The following GNAZ variants were observed in gnomAD, a reference collection of about 807,000 sequenced individuals.
The protein encoded by GNAZ is guanine nucleotide-binding protein G(z) subunit alpha.
GNAZ carries 3 observed loss-of-function variants against 25.4 expected under a neutral mutation model. The ratio of observed to expected loss-of-function variants is 0.12; its 90% CI spans 0.05 to 0.30. GNAZ has a LOEUF of 0.30. GNAZ is among the 10% of genes least tolerant of loss of function. The pLI is 1.00. For missense variants in GNAZ, 241 were observed against 501.8 expected (o/e 0.48, Z 4.97); for synonymous variants, 211 against 205.7 (o/e 1.03, Z -0.22).
chr22:23,107,440 G>T (rs1420745983), intron 2 of GNAZ, among the ~76,000 whole-genome samples: 1 of 152,170 alleles, frequency 6.6e-6, no homozygotes. Flanking sequence ...GGGAAAAGTC[G>T]AGGGCCTCAT....
chr22:23,085,987 T>A (rs2068808306), intron 1 of GNAZ, among the ~76,000 whole-genome samples: 1 of 152,258 alleles, frequency 6.6e-6, no homozygotes, highest in African/African-American at 2.4e-5. Flanking sequence ...CAACAGCCAG[T>A]GGCCTTGCCT....
intron 2 of GNAZ, among the ~76,000 whole-genome samples, chr22:23,116,628 T>C (rs1365609064): frequency 6.6e-6 from 1 of 152,134 alleles, no homozygotes; most frequent in Non-Finnish European, 1.5e-5. Flanking sequence ...TACTCAGCAC[T>C]GTGGATGTCT....
At chr22:23,070,667 C>T (rs1330064509) in intron 1 of GNAZ, 97 bp downstream of exon 1, 1 of 152,122 alleles carries the variant, frequency 6.6e-6, no homozygotes, top group African/African-American at 2.4e-5. Flanking sequence ...GGGACTCTTC[C>T]CAGGCCTTTG....
At chr22:23,108,258 G>C (rs141324494) in intron 2 of GNAZ, among the ~76,000 whole-genome samples, 1 of 152,242 alleles carries the variant, frequency 6.6e-6, no homozygotes, top group African/African-American at 2.4e-5. Context: ...AGGGGAGAGC[G>C]GTCCCCAAGC....
Position 23,109,299 on chromosome 22 carries a change from G to A in GNAZ, c.723+12881G>A, listed in dbSNP as rs1471795403. Among the ~76,000 whole-genome samples, 10 of 152,170 alleles carry A rather than the reference G, an allele frequency of 6.6e-5. No homozygotes were observed. In the East Asian group the frequency reaches 1.4e-3, roughly 21 times the overall value. On this transcript the variant is annotated intron_variant, in intron 2 of 2. Coordinates refer to ENST00000615612, the MANE Select transcript of GNAZ (RefSeq NM_002073.4). ...CCACCAAAGCCACGGAGCCAGCCCT[G>A]CTGGCATCCAGAGGCCAGGGTGGGC... is the stretch of plus-strand genomic sequence containing the variant.
chr22:23,120,400 G>T (rs1039498721), intron 2 of GNAZ, among the ~76,000 whole-genome samples: 1 of 152,078 alleles, frequency 6.6e-6, no homozygotes, highest in Non-Finnish European at 1.5e-5. Context: ...TCCCACTGCT[G>T]CCAGCTGAGC....
rs369889703 is a variant in GNAZ, at chr22:23,074,499, G to A, written c.-450+3929G>A. Among the ~76,000 whole-genome samples, 41 of 152,292 alleles carry A rather than the reference G, an allele frequency of 2.7e-4. 2 individuals carry two copies. In the East Asian group the frequency reaches 5.4e-3, roughly 20 times the overall value. On this transcript the variant is annotated intron_variant, in intron 1 of 2. Transcript: ENST00000615612. Reference sequence around the variant, plus strand: ...AATTAGGAGGTGGGTCTGAGACCTGGAGAGCCATTGATGGGCACATGTGGC... The same window carrying A: ...AATTAGGAGGTGGGTCTGAGACCTGAAGAGCCATTGATGGGCACATGTGGC...
intron 2 of GNAZ, among the ~76,000 whole-genome samples, chr22:23,097,115 A>C (rs909914204): frequency 2.0e-5 from 3 of 152,208 alleles, no homozygotes; most frequent in African/African-American, 7.2e-5. Context: ...CTTGCCCAGC[A>C]GGATTCCCTG....
In GNAZ at chr22:23,124,099, G is replaced by A. The variant is rs73386673; in HGVS notation, c.*668G>A. 2.1e-3 allele frequency: 441 copies of A among 210,096 alleles called. 3 individuals carry two copies. The highest frequency in any genetic ancestry group is 8.8e-3 in the African/African-American group (368 of 42,046). The allele number at this position is 210,096 out of a possible 1,614,324, so 13.0% of individuals were successfully genotyped here. A position where few individuals can be genotyped will look rare whatever the true frequency, so the allele number is the denominator to read the frequency against. On this transcript the variant is annotated 3_prime_UTR_variant, in exon 3 of 3. Coordinates refer to ENST00000615612, the MANE Select transcript of GNAZ (RefSeq NM_002073.4). ...ACCAATACAACAAAACGAGTGGCAC[G>A]ATTTATTTCAAACTAGGCCAGCTGG...
chr22:23,097,205 G>A (rs1294766544), intron 2 of GNAZ, among the ~76,000 whole-genome samples: 6 of 152,294 alleles, frequency 3.9e-5, no homozygotes, highest in Non-Finnish European at 5.9e-5. Context: ...AAGGAGTCAC[G>A]AAGTTGTGGG....
intron 2 of GNAZ, 100 bp from the exon 3 acceptor site, chr22:23,122,987 C>A: frequency 1.3e-6 from 1 of 780,864 alleles, no homozygotes; most frequent in Non-Finnish European, 2.2e-6. Context: ...CAGTCTTGGG[C>A]TGAGACCCTA....
rs1343358041 is a variant in GNAZ, at chr22:23,124,050, A to AG, written c.*619_*620insG. 1.7e-5 allele frequency: 4 copies of AG among 230,440 alleles called. No individual in the cohort carries two copies. The highest frequency in any genetic ancestry group is 3.5e-5 in the Non-Finnish European group (4 of 113,638). The allele number at this position is 230,440 out of a possible 1,614,324, so 14.3% of individuals were successfully genotyped here. ...AGCCACTCACAGCTCTTTTTAAAAA[A>AG]CAGCTTCAAAATATGCAGCAAAAAC... On this transcript the variant is annotated 3_prime_UTR_variant, in exon 3 of 3. Coordinates refer to ENST00000615612, the MANE Select transcript of GNAZ (RefSeq NM_002073.4).
rs187855475 is a variant in GNAZ at position 23,073,194 on chromosome 22, G to A, written c.-450+2624G>A. Reference sequence around the variant, plus strand: ...ATGGCAGGTGCACGGGCACACTGGAGGAGGCAGGTCAGCATGCTGCTCTCC... The same window carrying A: ...ATGGCAGGTGCACGGGCACACTGGAAGAGGCAGGTCAGCATGCTGCTCTCC... On this transcript the variant is annotated intron_variant, in intron 1 of 2. Transcript: ENST00000615612. Among the ~76,000 whole-genome samples the A allele has an allele frequency of 3.2e-4, 48 of 152,336 alleles. No homozygotes were observed. The East Asian group carries it at 8.9e-3, about 28-fold the overall frequency.
In GNAZ at chr22:23,122,759, G is replaced by T. The variant is rs540990400; in HGVS notation, c.724-328G>T. On this transcript the variant is annotated intron_variant, in intron 2 of 2. Coordinates refer to ENST00000615612, the MANE Select transcript of GNAZ (RefSeq NM_002073.4). ...AGATGGGGGGTCCTCGGAGCTGGAG[G>T]TGCCCAGCGGTTTAGGAGGCTGTGC... 1.5e-5 allele frequency: 5 copies of T among 341,898 alleles called. No homozygotes were observed. In the East Asian group the frequency reaches 2.5e-4, roughly 17 times the overall value. The allele number at this position is 341,898 out of a possible 1,614,324, so 21.2% of individuals were successfully genotyped here.
intron 1 of GNAZ, among the ~76,000 whole-genome samples, chr22:23,086,632 C>A (rs1255047668): frequency 6.6e-6 from 1 of 152,248 alleles, no homozygotes; most frequent in Non-Finnish European, 1.5e-5. Context: ...AAAGACCCTC[C>A]CCGGGGCCCA....
chr22:23,119,021 G>A (rs1371648292), intron 2 of GNAZ, among the ~76,000 whole-genome samples: 1 of 152,226 alleles, frequency 6.6e-6, no homozygotes, highest in Non-Finnish European at 1.5e-5. Context: ...ATGAGGCCAG[G>A]CCCTGGAGGC....
intron 1 of GNAZ, among the ~76,000 whole-genome samples, chr22:23,090,986 C>T (rs1248737837): frequency 6.6e-6 from 1 of 152,176 alleles, no homozygotes; most frequent in Admixed American, 6.5e-5. Flanking sequence ...CCCTTCTGCC[C>T]CAGTCGCCTC....
chr22:23,096,182 A>G lies in GNAZ; in HGVS notation c.487A>G (p.Ile163Val), dbSNP rs918141111. ...CTACTACCTGAACGACCTGGAGCGC[A>G]TCGCCGCAGCTGACTATATCCCCAC... ...AAYYLNDLER[I>V]AAADYIPTVE... The change falls in exon 2 of 3, where the codon ATC becomes GTC. Residue 163 changes from isoleucine (I) to valine (V), a missense_variant. Coordinates refer to ENST00000615612, the MANE Select transcript of GNAZ (RefSeq NM_002073.4). 3.1e-6 allele frequency: 5 copies of G among 1,613,216 alleles called. No individual in the cohort carries two copies. The African/African-American group carries it at 4.0e-5, about 13-fold the overall frequency.
intron 2 of GNAZ, among the ~76,000 whole-genome samples, chr22:23,116,638 T>C (rs2069843466): frequency 6.6e-6 from 1 of 152,182 alleles, no homozygotes; most frequent in Non-Finnish European, 1.5e-5. Context: ...TGTGGATGTC[T>C]GTCAAGGCAG....
Sources: gnomAD v4.1 joint callset for allele counts (sites outside exome capture counted in the v4.1 genomes callset) on GRCh38, gnomAD v4.1.1 for gene constraint, MANE v1.5 for transcripts, NCBI Gene and HGNC (gene_info 2026-07-23, HGNC 2026-07-21) for gene names.